The following MAF variants were observed in gnomAD, a reference collection of about 807,000 sequenced individuals.
MAF encodes transcription factor Maf.
Under a neutral mutation model 22.0 loss-of-function variants are expected in MAF, and 10 were observed. That is an observed-to-expected ratio of 0.45 (90% confidence interval 0.28 to 0.77). MAF has a LOEUF of 0.77. Ranked by LOEUF, MAF falls within the 30% of genes least tolerant of loss-of-function variation. The pLI is 0.12. For synonymous variants in MAF, 337 were observed against 255.8 expected (o/e 1.32, Z -3.03); for missense variants, 544 against 548.4 (o/e 0.99, Z 0.08).
chr16:79,437,258 G>A, the MAF span, among the ~76,000 whole-genome samples: 1 of 151,914 alleles, frequency 6.6e-6, no homozygotes, highest in African/African-American at 2.4e-5. Flanking sequence ...TGTCATCTTC[G>A]CTTGTGTTGC....
the MAF span, among the ~76,000 whole-genome samples, chr16:79,534,855 C>G: frequency 6.6e-6 from 1 of 152,140 alleles, no homozygotes; most frequent in South Asian, 2.1e-4. Context: ...AAAGAAACAT[C>G]CAAAATTTGA....
At chr16:79,385,179 G>C in the MAF span, among the ~76,000 whole-genome samples, 1 of 152,160 alleles carries the variant, frequency 6.6e-6, no homozygotes, top group Non-Finnish European at 1.5e-5. Context: ...CAAGTCACCT[G>C]TTCATAAAAA....
At chr16:79,445,782 G>C in the MAF span, among the ~76,000 whole-genome samples, 114 of 152,322 alleles carry the variant, frequency 7.5e-4, no homozygotes, top group African/African-American at 2.7e-3. Context: ...ATTCCCGGAG[G>C]CCCTTTTATT....
At chr16:79,585,632 CAG>C (rs1429256133), downstream of MAF, among the ~76,000 whole-genome samples, 1 of 152,088 alleles carries the variant, frequency 6.6e-6, no homozygotes, top group Admixed American at 6.5e-5. Context: ...GAAATAAACA[CAG>C]AAAAAATAAA....
downstream of MAF, among the ~76,000 whole-genome samples, chr16:79,581,844 C>G (rs1009998874): frequency 7.9e-5 from 12 of 152,186 alleles, no homozygotes; most frequent in Admixed American, 3.9e-4. Flanking sequence ...AGGCTTACAC[C>G]TGAGGTCACT....
the MAF span, among the ~76,000 whole-genome samples, chr16:79,499,862 T>C: frequency 1.3e-5 from 2 of 152,240 alleles, no homozygotes; most frequent in Admixed American, 6.5e-5. Context: ...TCTGTGAATA[T>C]TACCTTATAG....
At chr16:79,470,088 G>C in the MAF span, among the ~76,000 whole-genome samples, 4 of 152,226 alleles carry the variant, frequency 2.6e-5, no homozygotes, top group African/African-American at 9.7e-5. Flanking sequence ...TCAGGCATTT[G>C]TAAAGAAAGA....
chr16:79,482,742 T>A, the MAF span, among the ~76,000 whole-genome samples: 1 of 151,976 alleles, frequency 6.6e-6, no homozygotes, highest in Non-Finnish European at 1.5e-5. Context: ...CAGGGCTGCC[T>A]CTAACCATGC....
chr16:79,465,185 T>C, the MAF span, among the ~76,000 whole-genome samples: 2 of 152,322 alleles, frequency 1.3e-5, no homozygotes, highest in South Asian at 2.1e-4. Flanking sequence ...CCAAAATCCA[T>C]GGATGCTCAA....
chr16:79,210,824 A>G, the MAF span, among the ~76,000 whole-genome samples: 1 of 152,186 alleles, frequency 6.6e-6, no homozygotes, highest in East Asian at 1.9e-4. Context: ...CCCTAGCCAC[A>G]GCCGCAACTG....
chr16:79,490,626 T>G, the MAF span, among the ~76,000 whole-genome samples: 2 of 12,410 alleles, frequency 1.6e-4, no homozygotes, highest in African/African-American at 2.5e-4. Flanking sequence ...ACACACACAC[T>G]CACACATGCA....
the MAF span, among the ~76,000 whole-genome samples, chr16:79,457,432 A>G: frequency 6.9e-6 from 1 of 144,912 alleles, no homozygotes; most frequent in South Asian, 2.3e-4. Context: ...GGACAATGTT[A>G]CTACAAGGAA....
the MAF span, among the ~76,000 whole-genome samples, chr16:79,569,775 G>A: frequency 6.6e-6 from 1 of 152,202 alleles, no homozygotes; most frequent in Non-Finnish European, 1.5e-5. Context: ...TATTTGAAAA[G>A]CTTTTCAGAT....
the MAF span, among the ~76,000 whole-genome samples, chr16:79,428,470 C>T: frequency 6.6e-6 from 1 of 152,164 alleles, no homozygotes; most frequent in Non-Finnish European, 1.5e-5. Context: ...TGGCATTTTC[C>T]TTTCAATTTG....
the MAF span, among the ~76,000 whole-genome samples, chr16:79,440,554 C>T: frequency 5.3e-5 from 8 of 152,216 alleles, no homozygotes; most frequent in East Asian, 1.2e-3. Flanking sequence ...TCCTGCCTCA[C>T]TCTCCTGAGT....
chr16:79,209,551 C>G, the MAF span, among the ~76,000 whole-genome samples: 1 of 152,162 alleles, frequency 6.6e-6, no homozygotes, highest in Non-Finnish European at 1.5e-5. Context: ...GAGCTGGATT[C>G]TCCCACCACT....
At chr16:79,206,883 C>A in the MAF span, 2 of 152,150 alleles carry the variant, frequency 1.3e-5, no homozygotes, top group Admixed American at 6.5e-5. Context: ...CAAATGTGTC[C>A]CCTAAAAGAT....
the MAF span, among the ~76,000 whole-genome samples, chr16:79,209,811 G>A: frequency 6.6e-6 from 1 of 152,172 alleles, no homozygotes; most frequent in Non-Finnish European, 1.5e-5. Context: ...TAAACCCCTT[G>A]AAGTTGTTTA....
the MAF span, among the ~76,000 whole-genome samples, chr16:79,311,163 G>GC: frequency 6.6e-6 from 1 of 152,042 alleles, no homozygotes; most frequent in African/African-American, 2.4e-5. Context: ...CCCTCCCGCA[G>GC]CCCTCTCTCT....
Sources: gnomAD v4.1 joint callset for allele counts (sites outside exome capture counted in the v4.1 genomes callset) on GRCh38, gnomAD v4.1.1 for gene constraint, MANE v1.5 for transcripts, NCBI Gene and HGNC (gene_info 2026-07-23, HGNC 2026-07-21) for gene names.